Variants in SEC62 observed in about 807,000 individuals in gnomAD.
SEC62 encodes SEC62 preprotein translocation factor.
A neutral mutation model predicts 47.5 loss-of-function variants in SEC62; 10 were observed. The ratio of observed to expected loss-of-function variants is 0.21; its 90% CI spans 0.13 to 0.36. The LOEUF (loss-of-function observed/expected upper bound fraction) is 0.36. Among genes scored for constraint, SEC62 ranks in the 10% least tolerant of loss-of-function variants. The pLI is 1.00. For missense variants in SEC62, 327 were observed against 464.1 expected (o/e 0.70, Z 2.71); for synonymous variants, 136 against 150.5 (o/e 0.90, Z 0.71).
Position 169,993,119 on chromosome 3 carries a change from G to A in SEC62, c.*56G>A. The A allele has an allele frequency of 7.9e-7, 1 of 1,271,116 alleles. No individual in the cohort carries two copies. Among genetic ancestry groups the A allele is most frequent in the South Asian group, 1.5e-5 (1 of 64,760 alleles). The allele number at this position is 1,271,116 out of a possible 1,614,324, so 78.7% of individuals were successfully genotyped here. On this transcript the variant is annotated 3_prime_UTR_variant, in exon 8 of 8. Coordinates refer to ENST00000337002, the MANE Select transcript of SEC62 (RefSeq NM_003262.4). ...TACAAGAGGTTGGATTTTCTATGTT[G>A]GCTGATTACCATATTGAACACATGG...
At chr3:169,977,798 A>AT (rs150754841) in intron 3 of SEC62, among the ~76,000 whole-genome samples, 4,518 of 151,970 alleles carry the variant, frequency 0.03, 240 homozygotes, top group African/African-American at 0.1. Context: ...ATCTTTTGGG[A>AT]TTTTAGATTA....
At chr3:169,975,841 G>A in intron 2 of SEC62, 125 bp downstream of exon 2, 1 of 558,730 alleles carries the variant, frequency 1.8e-6, no homozygotes, top group Non-Finnish European at 3.3e-6. Context: ...ACATATGGCA[G>A]TTGATTATTC....
intron 1 of SEC62, chr3:169,969,222 A>G: frequency 2.3e-6 from 1 of 442,824 alleles, no homozygotes; most frequent in Non-Finnish European, 4.5e-6. Context: ...GAAATGTTTG[A>G]TACAAACAAA....
chr3:169,979,516 C>A (rs943874554), intron 3 of SEC62, among the ~76,000 whole-genome samples: 1 of 152,170 alleles, frequency 6.6e-6, no homozygotes, highest in African/African-American at 2.4e-5. Flanking sequence ...GTATCACTGA[C>A]CCCCAATCCA....
intron 1 of SEC62, among the ~76,000 whole-genome samples, chr3:169,973,356 C>T (rs904337286): frequency 2.0e-4 from 30 of 152,178 alleles, no homozygotes; most frequent in South Asian, 8.3e-4. Context: ...TTTGAATTTG[C>T]CATTTTTTAA....
rs752162637 is a variant in SEC62 at position 169,976,979 on chromosome 3, A to C, written c.179A>C (p.Lys60Thr). The change falls in exon 3 of 8, where the codon AAG becomes ACG. Residue 60 changes from lysine to threonine, a missense_variant. Physicochemically the swap from Lys to Thr is moderately conservative, Grantham distance 78. This residue lies in a region of SEC62 where 126 missense variants were observed against 161.2 expected (regional missense o/e 0.78). Transcript: ENST00000337002. ...GCAGTGGACTGTCTTTTGGATTCAA[A>C]GTGGGCAAAGGCCAAGAAAGGAGAG... is the stretch of plus-strand genomic sequence containing the variant. ...SKAVDCLLDS[K>T]WAKAKKGEEA... 1 of 1,610,056 alleles carries C rather than the reference A, an allele frequency of 6.2e-7. No homozygotes were observed. The highest frequency in any genetic ancestry group is 1.3e-5 in the African/African-American group (1 of 75,000).
intron 1 of SEC62, among the ~76,000 whole-genome samples, chr3:169,972,770 G>C (rs1246516762): frequency 1.3e-5 from 2 of 151,788 alleles, no homozygotes; most frequent in Non-Finnish European, 2.9e-5. Flanking sequence ...CCCTCTTTTT[G>C]GGAAATAATA....
At chr3:169,976,795 AC>A in intron 2 of SEC62, 150 bp from the exon 3 acceptor site, 5 of 464,310 alleles carry the variant, frequency 1.1e-5, no homozygotes, top group Non-Finnish European at 1.9e-5. Context: ...TTGGGGAACT[AC>A]TAATCATGAT....
At chr3:169,987,478 T>C (rs1273576761) in intron 6 of SEC62, among the ~76,000 whole-genome samples, 5 of 152,150 alleles carry the variant, frequency 3.3e-5, no homozygotes, top group African/African-American at 1.2e-4. Context: ...TTGCTAGATA[T>C]TTTGCGTACA....
chr3:169,988,448 A>C, intron 7 of SEC62, 89 bp downstream of exon 7: 3 of 1,391,196 alleles, frequency 2.2e-6, no homozygotes, highest in Non-Finnish European at 3.0e-6. Context: ...GCTTAAGAAA[A>C]ATTAATGGAG....
intron 1 of SEC62, 145 bp from the exon 2 acceptor site, chr3:169,975,463 C>T: frequency 1.9e-6 from 1 of 522,732 alleles, no homozygotes; most frequent in Non-Finnish European, 3.4e-6. Context: ...CTTTTGAATA[C>T]TTTATTAGGT....
intron 2 of SEC62, among the ~76,000 whole-genome samples, chr3:169,976,546 T>G (rs1454756693): frequency 6.6e-6 from 1 of 152,236 alleles, no homozygotes; most frequent in Non-Finnish European, 1.5e-5. Flanking sequence ...TGACAGAGCT[T>G]CTTCCTCAGT....
chr3:169,972,801 T>G (rs916017088), intron 1 of SEC62, among the ~76,000 whole-genome samples: 2 of 152,186 alleles, frequency 1.3e-5, no homozygotes, highest in African/African-American at 2.4e-5. Flanking sequence ...CTAACAGTTA[T>G]GTAACAGAGT....
intron 5 of SEC62, 96 bp from the exon 6 acceptor site, chr3:169,985,709 G>A: frequency 1.2e-6 from 1 of 845,178 alleles, no homozygotes; most frequent in Admixed American, 2.6e-5. Context: ...TTAAGAGGTT[G>A]ATGACTGCTT....
At chr3:169,974,892 A>G (rs1167904697) in intron 1 of SEC62, among the ~76,000 whole-genome samples, 1 of 152,180 alleles carries the variant, frequency 6.6e-6, no homozygotes, top group African/African-American at 2.4e-5. Flanking sequence ...TTATTTTAAC[A>G]TTTATTTATG....
chr3:169,983,008 C>T (rs1021163135), intron 4 of SEC62, 97 bp downstream of exon 4: 1 of 1,489,888 alleles, frequency 6.7e-7, no homozygotes, highest in African/African-American at 1.4e-5. Flanking sequence ...GCAACACCTA[C>T]CTGAGATAAC....
intron 6 of SEC62, 22 bp from the exon 7 acceptor site, chr3:169,988,218 C>G (rs1455890184): frequency 2.5e-6 from 4 of 1,612,046 alleles, no homozygotes; most frequent in Non-Finnish European, 3.4e-6. Context: ...TAAAATTTAA[C>G]TTTTGTCATT....
Position 169,992,365 on chromosome 3 carries a change from A to C in SEC62, c.731-229A>C, listed in dbSNP as rs1031815099. Among the ~76,000 whole-genome samples the C allele has an allele frequency of 6.6e-6, 1 of 152,186 alleles. No homozygotes were observed. The highest frequency in any genetic ancestry group is 1.5e-5 in the Non-Finnish European group (1 of 68,036). On this transcript the variant is annotated intron_variant, in intron 7 of 7. Coordinates refer to ENST00000337002, the MANE Select transcript of SEC62 (RefSeq NM_003262.4). The surrounding 1 kb of genome is among the most constrained non-coding windows in gnomAD (Gnocchi z 4.0). ...TTTGTTTTCAGGCATGCAGTGGTGT[A>C]ATTATAGCTCACTGCAGCCTCGAGC...
At position 169,974,236 on chromosome 3, in the gene SEC62, C is replaced by T. The variant is rs1714773343; in HGVS notation, c.37-1372C>T. Among the ~76,000 whole-genome samples the T allele has an allele frequency of 3.9e-5, 6 of 152,282 alleles. No homozygotes were observed. The South Asian group carries it at 1.2e-3, about 32-fold the overall frequency. On this transcript the variant is annotated intron_variant, in intron 1 of 7. Transcript: ENST00000337002. ...TTTATTCTTTAATGAAGCAGCCCTTCCTGAAATCATTCACATTTAGATTAT... is the reference window on the plus strand; with the variant it reads ...TTTATTCTTTAATGAAGCAGCCCTTTCTGAAATCATTCACATTTAGATTAT...
Sources: allele counts gnomAD v4.1 joint callset (sites outside exome capture counted in the v4.1 genomes callset), GRCh38; gene constraint gnomAD v4.1.1; regional missense constraint gnomAD v4.1.1; non-coding constraint Gnocchi (gnomAD v3.1); transcripts MANE v1.5; gene names NCBI Gene and HGNC (gene_info 2026-07-23, HGNC 2026-07-21).